LDLRAD3: variants seen among roughly 807,000 people sequenced by gnomAD.
LDLRAD3 encodes the protein low-density lipoprotein receptor class A domain-containing protein 3.
In LDLRAD3, 20 loss-of-function variants were observed where a neutral mutation model predicts 29.4. The observed-to-expected ratio is 0.68, with a 90% CI of 0.48 to 0.99. The LOEUF (loss-of-function observed/expected upper bound fraction) is 0.99, where lower values mean the gene tolerates loss of function less well. Ranked by LOEUF, LDLRAD3 falls within the 50% of genes least tolerant of loss-of-function variation. The pLI is 0.00. For synonymous variants in LDLRAD3, 157 were observed against 192.7 expected (o/e 0.81, Z 1.53); for missense variants, 420 against 454.3 (o/e 0.92, Z 0.69).
intron 1 of LDLRAD3, among the ~76,000 whole-genome samples, chr11:35,965,982 C>T (rs1300692954): frequency 6.6e-6 from 1 of 152,186 alleles, no homozygotes; most frequent in Admixed American, 6.5e-5. Context: ...GCCCTACTGC[C>T]AAGGCATGTT....
intron 3 of LDLRAD3, among the ~76,000 whole-genome samples, chr11:36,082,291 T>G (rs1853126890): frequency 1.3e-5 from 2 of 152,156 alleles, no homozygotes; most frequent in South Asian, 4.1e-4. Context: ...GGAGGATTGC[T>G]TGAGTCCAGG....
chr11:36,166,078 G>A (rs530346239), intron 4 of LDLRAD3, among the ~76,000 whole-genome samples: 1 of 151,388 alleles, frequency 6.6e-6, no homozygotes, highest in Non-Finnish European at 1.5e-5. Context: ...GAGGGAAATT[G>A]ACTGGCTAAT....
intron 3 of LDLRAD3, among the ~76,000 whole-genome samples, chr11:36,093,796 T>A (rs1221035378): frequency 6.6e-6 from 1 of 152,128 alleles, no homozygotes; most frequent in African/African-American, 2.4e-5. Context: ...ATAGAACAGC[T>A]CTCAGTGGAG....
At chr11:36,030,718 G>T (rs1169417784) in intron 1 of LDLRAD3, among the ~76,000 whole-genome samples, 1 of 152,208 alleles carries the variant, frequency 6.6e-6, no homozygotes, top group Non-Finnish European at 1.5e-5. Flanking sequence ...GGAAGCAGAG[G>T]ATAAAAATGA....
intron 5 of LDLRAD3, 23 bp downstream of exon 5, chr11:36,227,453 T>A: frequency 6.6e-7 from 1 of 1,506,796 alleles, no homozygotes. Flanking sequence ...TGGAAGAGAT[T>A]GAGGCGGGAG....
At chr11:36,001,331 T>C (rs1431138466) in intron 1 of LDLRAD3, 1 of 152,210 alleles carries the variant, frequency 6.6e-6, no homozygotes. Context: ...TAGGTATATC[T>C]CCTAATGCTA....
chr11:36,009,232 A>G (rs1653329050), intron 1 of LDLRAD3, among the ~76,000 whole-genome samples: 1 of 152,110 alleles, frequency 6.6e-6, no homozygotes, highest in African/African-American at 2.4e-5. Flanking sequence ...TAATTTCCTT[A>G]TCTTGGCAGT....
At chr11:35,965,618 A>C (rs1313040523) in intron 1 of LDLRAD3, among the ~76,000 whole-genome samples, 1 of 152,186 alleles carries the variant, frequency 6.6e-6, no homozygotes, top group East Asian at 1.9e-4. Flanking sequence ...GGAATGGGTA[A>C]AAAATTCTGG....
At chr11:36,028,371 C>CTCATTTCAGAGT (rs752860476) in intron 1 of LDLRAD3, among the ~76,000 whole-genome samples, 5 of 152,160 alleles carry the variant, frequency 3.3e-5, no homozygotes, top group Non-Finnish European at 7.3e-5. Context: ...AACAACGGGG[C>CTCATTTCAGAGT]TCATTTCAGA....
chr11:35,987,744 G>T (rs1379182845), intron 1 of LDLRAD3, among the ~76,000 whole-genome samples: 1 of 152,082 alleles, frequency 6.6e-6, no homozygotes, highest in Admixed American at 6.5e-5. Context: ...GTGTCTTTTT[G>T]GTGGAATGAT....
intron 1 of LDLRAD3, among the ~76,000 whole-genome samples, chr11:35,980,738 T>C (rs1183295189): frequency 2.0e-5 from 3 of 152,262 alleles, no homozygotes; most frequent in African/African-American, 7.2e-5. Context: ...ATAATTTGTA[T>C]TGTTAAAACA....
intron 4 of LDLRAD3, among the ~76,000 whole-genome samples, chr11:36,184,696 G>A (rs1262233719): frequency 6.6e-6 from 1 of 152,170 alleles, no homozygotes; most frequent in Admixed American, 6.5e-5. Flanking sequence ...CCATGAGAAG[G>A]CCATCCATGG....
intron 1 of LDLRAD3, among the ~76,000 whole-genome samples, chr11:35,958,721 C>G (rs1236337988): frequency 6.6e-6 from 1 of 151,974 alleles, no homozygotes; most frequent in Non-Finnish European, 1.5e-5. Flanking sequence ...TAACTACCCC[C>G]TACATTTTAC....
chr11:35,995,537 T>C (rs1203882009), intron 1 of LDLRAD3, among the ~76,000 whole-genome samples: 1 of 152,236 alleles, frequency 6.6e-6, no homozygotes, highest in African/African-American at 2.4e-5. Context: ...TCACTTCAGC[T>C]TGAAGTCACC....
intron 1 of LDLRAD3, among the ~76,000 whole-genome samples, chr11:36,025,969 G>A (rs867020129): frequency 6.7e-6 from 1 of 150,090 alleles, no homozygotes; most frequent in Non-Finnish European, 1.5e-5. Flanking sequence ...TCATAGAGAC[G>A]GGGTTTCACC....
intron 4 of LDLRAD3, among the ~76,000 whole-genome samples, chr11:36,173,767 C>A (rs746879982): frequency 2.6e-5 from 4 of 152,078 alleles, no homozygotes; most frequent in Non-Finnish European, 5.9e-5. Context: ...GAATCAATAT[C>A]GTGAAAATGG....
At chr11:36,090,510 A>C (rs1451554839) in intron 3 of LDLRAD3, among the ~76,000 whole-genome samples, 4 of 152,184 alleles carry the variant, frequency 2.6e-5, no homozygotes, top group African/African-American at 9.7e-5. Context: ...TGGTTGAAGC[A>C]GTGATACTGG....
chr11:36,090,833 C>T (rs1037654488), intron 3 of LDLRAD3, among the ~76,000 whole-genome samples: 1 of 152,074 alleles, frequency 6.6e-6, no homozygotes, highest in Non-Finnish European at 1.5e-5. Flanking sequence ...GTTCTGTCTT[C>T]GAGGGGGAAA....
At chr11:36,109,107 GC>G (rs1255816748) in intron 4 of LDLRAD3, among the ~76,000 whole-genome samples, 4 of 152,168 alleles carry the variant, frequency 2.6e-5, no homozygotes, top group Non-Finnish European at 5.9e-5. Context: ...GACTCATAGG[GC>G]TTTTGCTAGA....
Sources: allele counts gnomAD v4.1 joint callset (sites outside exome capture counted in the v4.1 genomes callset), GRCh38; gene constraint gnomAD v4.1.1; transcripts MANE v1.5; gene names NCBI Gene and HGNC (gene_info 2026-07-23, HGNC 2026-07-21).